DYSF: variants seen among roughly 807,000 people sequenced by gnomAD.
The protein encoded by DYSF is dystrophy-associated fer-1-like 1.
In DYSF, 212 loss-of-function variants were observed where a neutral mutation model predicts 274.9. The ratio of observed to expected loss-of-function variants is 0.77; its 90% CI spans 0.69 to 0.86. DYSF has a LOEUF of 0.86. Ranked by LOEUF, DYSF falls within the 40% of genes least tolerant of loss-of-function variation. The pLI is 0.00. For synonymous variants in DYSF, 1,091 were observed against 1,078.7 expected, an observed-to-expected ratio of 1.01 and a Z score of -0.22; for missense variants, 2,666 against 2,783.2, an observed-to-expected ratio of 0.96 and a Z score of 0.95.
intron 1 of DYSF, among the ~76,000 whole-genome samples, chr2:71,460,286 G>A (rs971888767): frequency 6.6e-6 from 1 of 152,216 alleles, no homozygotes; most frequent in Admixed American, 6.5e-5. Context: ...GGGAAAGGGG[G>A]CCGGGGAGGC....
chr2:71,524,362 C>T (rs1486959583), intron 12 of DYSF, among the ~76,000 whole-genome samples: 3 of 152,172 alleles, frequency 2.0e-5, no homozygotes, highest in Non-Finnish European at 4.4e-5. Flanking sequence ...AGGTCTTGTA[C>T]ACAGTAGGTG....
intron 52 of DYSF, among the ~76,000 whole-genome samples, chr2:71,676,643 C>T (rs1219792929): frequency 6.6e-6 from 1 of 151,246 alleles, no homozygotes; most frequent in Non-Finnish European, 1.5e-5. Context: ...AAAAAAAAAA[C>T]CCTGTGTTTT....
chr2:71,664,471 T>C, intron 46 of DYSF, 33 bp downstream of exon 46: 1 of 1,612,232 alleles, frequency 6.2e-7, no homozygotes, highest in South Asian at 1.1e-5. Flanking sequence ...CCTGCTTCTC[T>C]GACAACACAC....
At chr2:71,591,177 C>T (rs1405926304) in intron 32 of DYSF, among the ~76,000 whole-genome samples, 1 of 152,264 alleles carries the variant, frequency 6.6e-6, no homozygotes, top group Non-Finnish European at 1.5e-5. Context: ...ACTCAGTGCG[C>T]TCTCTGTCTA....
chr2:71,667,945 C>G (rs969508148), intron 48 of DYSF, among the ~76,000 whole-genome samples: 1 of 152,050 alleles, frequency 6.6e-6, no homozygotes, highest in African/African-American at 2.4e-5. Context: ...GACCAAATGA[C>G]AAAGCCACCC....
intron 17 of DYSF, chr2:71,549,226 C>A: frequency 2.2e-6 from 2 of 923,954 alleles, no homozygotes; most frequent in Non-Finnish European, 3.5e-6. Context: ...ACATCTGTTT[C>A]ACACCCGGGA....
chr2:71,632,035 T>C (rs1335277334), intron 41 of DYSF, among the ~76,000 whole-genome samples: 1 of 152,058 alleles, frequency 6.6e-6, no homozygotes, highest in African/African-American at 2.4e-5. Context: ...TCTTTTCCCA[T>C]CTAGAGAAAA....
chr2:71,590,168 C>T (rs1194061523), intron 31 of DYSF, 43 bp from the exon 32 acceptor site: 8 of 1,606,780 alleles, frequency 5.0e-6, no homozygotes, highest in Middle Eastern at 1.7e-4. Flanking sequence ...CTTAACCACT[C>T]CAGCCACTCA....
At chr2:71,564,343 G>A (rs894309548) in intron 24 of DYSF, 130 bp downstream of exon 24, 17 of 1,304,598 alleles carry the variant, frequency 1.3e-5, no homozygotes, top group Non-Finnish European at 1.7e-5. Context: ...AAGGAGAAGA[G>A]GTCTTTGGGT....
At position 71,640,712 on chromosome 2, in the gene DYSF, A is replaced by G. The variant is rs188190987; in HGVS notation, c.4528-3253A>G. On this transcript the variant is annotated intron_variant, in intron 41 of 55. Transcript: ENST00000410020. ...CGTTAGTGTTTTATTTAGGATCTTT[A>G]TGTCTCTCTTCAGGAATGAGATTAA... 1.1e-3 allele frequency among the ~76,000 whole-genome samples: 162 copies of G among 150,744 alleles called. 1 individual carries two copies. The highest frequency in any genetic ancestry group is 1.8e-3 in the Non-Finnish European group (125 of 67,794).
intron 17 of DYSF, among the ~76,000 whole-genome samples, chr2:71,543,942 G>C (rs185882922): frequency 1.4e-5 from 2 of 146,174 alleles, no homozygotes; most frequent in Non-Finnish European, 1.5e-5. Context: ...GAGAGGGAGA[G>C]GGAGACGGAG....
In DYSF at chr2:71,537,221, TTG is replaced by T. The variant is rs1491135937; in HGVS notation, c.1493+1912_1493+1913del. On this transcript the variant is annotated intron_variant, in intron 16 of 55. Transcript: ENST00000410020. ...TGCAGGAAATTTTTACTTTCTAGTT[TTG>T]TTTTTTTTTTTTTTTTTTTTTTTGC... is the stretch of plus-strand genomic sequence containing the variant. Among the ~76,000 whole-genome samples the T allele has an allele frequency of 1.4e-3, 165 of 120,016 alleles. 2 individuals are homozygous for T. The highest frequency in any genetic ancestry group is 5.3e-3 in the African/African-American group (131 of 24,640). 78.7% of individuals were successfully genotyped at this position (120,016 alleles called of 152,430 possible). A position where few individuals can be genotyped will look rare whatever the true frequency, so the allele number is the denominator to read the frequency against.
At chr2:71,458,570 TC>T (rs957705358) in intron 1 of DYSF, among the ~76,000 whole-genome samples, 2 of 152,170 alleles carry the variant, frequency 1.3e-5, no homozygotes, top group Non-Finnish European at 2.9e-5. Context: ...TGGGGTACTT[TC>T]TCTTTCTGGG....
chr2:71,633,411 A>G (rs1227693877), intron 41 of DYSF, among the ~76,000 whole-genome samples: 2 of 152,234 alleles, frequency 1.3e-5, no homozygotes, highest in African/African-American at 2.4e-5. Flanking sequence ...CCGTGATTCC[A>G]GTACTACAGA....
intron 17 of DYSF, chr2:71,549,254 C>T: frequency 2.4e-6 from 3 of 1,230,160 alleles, no homozygotes; most frequent in African/African-American, 1.5e-5. Context: ...TTCCATCTGT[C>T]TGCCTGCCAG....
At chr2:71,660,722 T>A in intron 45 of DYSF, 71 bp downstream of exon 45, 1 of 1,321,622 alleles carries the variant, frequency 7.6e-7, no homozygotes, top group African/African-American at 1.4e-5. Context: ...GTGGGGGAGA[T>A]GTGACTGGCA....
intron 42 of DYSF, among the ~76,000 whole-genome samples, chr2:71,653,011 T>C (rs565783276): frequency 1.1e-4 from 16 of 152,342 alleles, no homozygotes; most frequent in African/African-American, 3.8e-4. Context: ...ACATTGTAAG[T>C]ATAATTTGAG....
intron 23 of DYSF, among the ~76,000 whole-genome samples, 171 bp from the exon 24 acceptor site, chr2:71,563,887 T>A (rs2091931737): frequency 6.6e-6 from 1 of 152,206 alleles, no homozygotes; most frequent in Non-Finnish European, 1.5e-5. Context: ...AGCCAGACAC[T>A]GGCCAGCCCT....
chr2:71,567,903 C>A (rs746038775), intron 24 of DYSF, 48 bp from the exon 25 acceptor site: 7 of 1,607,718 alleles, frequency 4.4e-6, no homozygotes, highest in Non-Finnish European at 6.0e-6. Context: ...ACTGGGACAT[C>A]CGGATCCTGA....
Sources: allele counts gnomAD v4.1 joint callset (sites outside exome capture counted in the v4.1 genomes callset), GRCh38; gene constraint gnomAD v4.1.1; transcripts MANE v1.5; gene names NCBI Gene and HGNC (gene_info 2026-07-23, HGNC 2026-07-21).